Variants in RBFOX1 observed in about 807,000 individuals in gnomAD.
RBFOX1 encodes RNA binding protein fox-1 homolog 1.
Under a neutral mutation model 57.7 loss-of-function variants are expected in RBFOX1, and 8 were observed. The observed-to-expected ratio is 0.14, with a 90% CI of 0.08 to 0.25. The LOEUF (loss-of-function observed/expected upper bound fraction) is 0.25. Ranked by LOEUF, RBFOX1 falls within the 10% of genes least tolerant of loss-of-function variation. The probability of loss-of-function intolerance (pLI) is 1.00; values close to 1 mark genes in which losing one functional copy is unlikely to be tolerated. For synonymous variants in RBFOX1, 326 were observed against 222.4 expected (o/e 1.47, Z -4.15); for missense variants, 611 against 548.5 (o/e 1.11, Z -1.14).
At chr16:6,903,169 C>A (rs1024933431) in intron 3 of RBFOX1, among the ~76,000 whole-genome samples, 1 of 152,134 alleles carries the variant, frequency 6.6e-6, no homozygotes, top group Non-Finnish European at 1.5e-5. Context: ...AGGAGCCTTT[C>A]AGATGGCAGG....
chr16:6,055,590 CAAA>C (rs35872547), intron 1 of RBFOX1, among the ~76,000 whole-genome samples: 6 of 65,586 alleles, frequency 9.1e-5, no homozygotes, highest in Non-Finnish European at 1.0e-4. Flanking sequence ...GAGACTCCGT[CAAA>C]AAAAAAAAAA....
intron 4 of RBFOX1, among the ~76,000 whole-genome samples, chr16:7,057,875 G>A (rs938288013): frequency 6.6e-6 from 1 of 152,010 alleles, no homozygotes; most frequent in Non-Finnish European, 1.5e-5. Context: ...AGGCATGGTG[G>A]CGGGCGCCTG....
intron 1 of RBFOX1, among the ~76,000 whole-genome samples, chr16:6,175,660 TA>T (rs2097000500): frequency 6.6e-6 from 1 of 152,086 alleles, no homozygotes; most frequent in Non-Finnish European, 1.5e-5. Flanking sequence ...GGGATCTGAG[TA>T]AAATATAGAT....
chr16:7,031,106 T>G (rs1322056634), intron 3 of RBFOX1, among the ~76,000 whole-genome samples: 1 of 152,092 alleles, frequency 6.6e-6, no homozygotes, highest in Non-Finnish European at 1.5e-5. Flanking sequence ...GACTGTAGAC[T>G]GGGTGGAGAG....
At chr16:5,249,464 C>T (rs530330070) in intron 1 of RBFOX1, among the ~76,000 whole-genome samples, 34 of 152,208 alleles carry the variant, frequency 2.2e-4, no homozygotes, top group Non-Finnish European at 4.6e-4. Flanking sequence ...GGGACGTGCA[C>T]GGCCCTCTTG....
chr16:7,513,507 T>G (rs969780535), intron 4 of RBFOX1, among the ~76,000 whole-genome samples: 1 of 152,180 alleles, frequency 6.6e-6, no homozygotes, highest in African/African-American at 2.4e-5. Context: ...TTGGCACTAT[T>G]AACATTTGGG....
At chr16:6,040,324 A>T (rs1010895439) in intron 1 of RBFOX1, among the ~76,000 whole-genome samples, 3 of 152,200 alleles carry the variant, frequency 2.0e-5, no homozygotes, top group Non-Finnish European at 4.4e-5. Context: ...TCATCTTGCA[A>T]AACTGAAACT....
intron 1 of RBFOX1, among the ~76,000 whole-genome samples, chr16:6,089,779 A>C (rs980709624): frequency 6.6e-6 from 1 of 152,130 alleles, no homozygotes; most frequent in Non-Finnish European, 1.5e-5. Context: ...TGTTTATAGA[A>C]ATGAATGACA....
chr16:5,847,982 T>A (rs534452634), intron 3 of RBFOX1, among the ~76,000 whole-genome samples: 1 of 152,270 alleles, frequency 6.6e-6, no homozygotes, highest in African/African-American at 2.4e-5. Context: ...TCTGACATCA[T>A]CTGGTGTAGT....
chr16:7,425,134 TC>T (rs1191380148), intron 4 of RBFOX1, among the ~76,000 whole-genome samples: 1 of 152,224 alleles, frequency 6.6e-6, no homozygotes, highest in African/African-American at 2.4e-5. Context: ...GGAAATAATT[TC>T]TTTTAGACAT....
At chr16:7,627,753 G>T (rs550657009) in intron 10 of RBFOX1, among the ~76,000 whole-genome samples, 2 of 152,146 alleles carry the variant, frequency 1.3e-5, no homozygotes, top group African/African-American at 4.8e-5. Context: ...TGGTTTTGTC[G>T]AATTCAAAGC....
At chr16:6,421,969 G>A (rs763631366) in intron 2 of RBFOX1, among the ~76,000 whole-genome samples, 9 of 137,456 alleles carry the variant, frequency 6.5e-5, no homozygotes, top group Non-Finnish European at 1.4e-4. Flanking sequence ...TGCCCACCCT[G>A]GAGTGCAGTG....
intron 9 of RBFOX1, among the ~76,000 whole-genome samples, chr16:7,603,060 G>A (rs2052502782): frequency 6.6e-6 from 1 of 152,142 alleles, no homozygotes; most frequent in Non-Finnish European, 1.5e-5. Flanking sequence ...CAAAGTCTAT[G>A]GGATACAGCA....
intron 3 of RBFOX1, 113 bp from the exon 4 acceptor site, chr16:7,051,944 T>C (rs1022421525): frequency 3.4e-6 from 5 of 1,455,888 alleles, no homozygotes; most frequent in Non-Finnish European, 4.6e-6. Flanking sequence ...ACATAATTAA[T>C]TAATTATGGG....
At chr16:5,329,664 G>T (rs966149165) in intron 1 of RBFOX1, among the ~76,000 whole-genome samples, 1 of 152,208 alleles carries the variant, frequency 6.6e-6, no homozygotes, top group Non-Finnish European at 1.5e-5. Flanking sequence ...ATAAACAATA[G>T]AAATTCATTT....
chr16:5,634,633 T>C (rs769060357), intron 3 of RBFOX1, among the ~76,000 whole-genome samples: 29 of 152,308 alleles, frequency 1.9e-4, no homozygotes, highest in South Asian at 1.5e-3. Context: ...GGAAAGTTAT[T>C]GGTCAGAGAG....
chr16:6,823,567 A>G (rs1361410854), intron 3 of RBFOX1, among the ~76,000 whole-genome samples: 1 of 152,048 alleles, frequency 6.6e-6, no homozygotes, highest in South Asian at 2.1e-4. Flanking sequence ...ACCACATGAA[A>G]TTCTTATAAG....
At chr16:5,476,925 A>G (rs1717524949) in intron 2 of RBFOX1, among the ~76,000 whole-genome samples, 1 of 152,248 alleles carries the variant, frequency 6.6e-6, no homozygotes, top group Admixed American at 6.5e-5. Flanking sequence ...CCATCTAGCC[A>G]TGATAGCACA....
intron 4 of RBFOX1, among the ~76,000 whole-genome samples, chr16:7,088,132 G>T (rs150408313): frequency 1.3e-5 from 2 of 151,792 alleles, no homozygotes; most frequent in East Asian, 3.9e-4. Context: ...AAAAAAATGT[G>T]TATGTGTATG....
Sources: allele counts gnomAD v4.1 joint callset (sites outside exome capture counted in the v4.1 genomes callset), GRCh38; gene constraint gnomAD v4.1.1; transcripts MANE v1.5; gene names NCBI Gene and HGNC (gene_info 2026-07-23, HGNC 2026-07-21).